FNDC3A: variants seen among roughly 807,000 people sequenced by gnomAD.
The protein encoded by FNDC3A is fibronectin type III domain containing 3A.
In FNDC3A, 32 loss-of-function variants were observed where a neutral mutation model predicts 148.9. The ratio of observed to expected loss-of-function variants is 0.21; its 90% CI spans 0.16 to 0.29. The LOEUF (loss-of-function observed/expected upper bound fraction) is 0.29, where lower values mean the gene tolerates loss of function less well. Ranked by LOEUF, FNDC3A falls within the 10% of genes least tolerant of loss-of-function variation. FNDC3A has a pLI of 1.00. For missense variants in FNDC3A, 1,191 were observed against 1,452.8 expected (o/e 0.82, Z 2.93); for synonymous variants, 472 against 473.6 (o/e 1.00, Z 0.04).
At chr13:49,029,657 A>C (rs1180541929) in intron 2 of FNDC3A, among the ~76,000 whole-genome samples, 1 of 152,128 alleles carries the variant, frequency 6.6e-6, no homozygotes, top group Non-Finnish European at 1.5e-5. Context: ...AAAATTGCCA[A>C]CCCTTTTAAG....
intron 2 of FNDC3A, among the ~76,000 whole-genome samples, chr13:49,029,382 A>G (rs555068066): frequency 1.3e-5 from 2 of 152,354 alleles, no homozygotes; most frequent in Non-Finnish European, 2.9e-5. Context: ...AACGAAAACC[A>G]TGATACAACA....
At chr13:49,088,230 G>A (rs1332165553) in intron 3 of FNDC3A, among the ~76,000 whole-genome samples, 1 of 152,082 alleles carries the variant, frequency 6.6e-6, no homozygotes, top group Non-Finnish European at 1.5e-5. Context: ...TTTGTTAATT[G>A]AGTAAATGAT....
rs549290413 is a variant in FNDC3A, at chr13:49,137,414, A to T, written c.760+813A>T. Reference sequence around the variant, plus strand: ...GGCTGGAATGCAGTGGCGCAATGTCAGCTCACTGCAACCTCCGCCTCCTGT... The same window carrying T: ...GGCTGGAATGCAGTGGCGCAATGTCTGCTCACTGCAACCTCCGCCTCCTGT... On this transcript the variant is annotated intron_variant, in intron 6 of 25. Transcript: ENST00000492622. Among the ~76,000 whole-genome samples, 4 of 152,274 alleles carry T rather than the reference A, an allele frequency of 2.6e-5. No homozygotes were observed. The South Asian group carries it at 8.3e-4, about 32-fold the overall frequency.
chr13:49,160,863 T>G (rs1884058889), intron 8 of FNDC3A, among the ~76,000 whole-genome samples: 1 of 152,096 alleles, frequency 6.6e-6, no homozygotes, highest in African/African-American at 2.4e-5. Flanking sequence ...ATTTCTGCCT[T>G]CATTTCGTTA....
intron 19 of FNDC3A, among the ~76,000 whole-genome samples, chr13:49,192,549 G>A (rs1376220113): frequency 6.6e-6 from 1 of 151,938 alleles, no homozygotes; most frequent in Non-Finnish European, 1.5e-5. Flanking sequence ...TACCCACCTC[G>A]GCCTCCCAAA....
At chr13:49,201,774 T>G (rs1217948098) in intron 23 of FNDC3A, 26 bp from the exon 24 acceptor site, 1 of 1,238,936 alleles carries the variant, frequency 8.1e-7, no homozygotes, top group African/African-American at 1.6e-5. Flanking sequence ...AGTATAAGGT[T>G]TATCTAATAG....
At chr13:49,191,499 T>C in intron 19 of FNDC3A, 115 bp downstream of exon 19, 1 of 735,266 alleles carries the variant, frequency 1.4e-6, no homozygotes. Flanking sequence ...ACTCCAAATT[T>C]TACAATTTTT....
At chr13:49,198,302 CAG>C in intron 22 of FNDC3A, 37 bp downstream of exon 22, 1 of 1,611,152 alleles carries the variant, frequency 6.2e-7, no homozygotes, top group South Asian at 1.1e-5. Context: ...TTGCCTAGAC[CAG>C]AGAGACGCTT....
intron 4 of FNDC3A, among the ~76,000 whole-genome samples, chr13:49,123,732 A>G (rs753796816): frequency 1.3e-5 from 2 of 152,230 alleles, no homozygotes; most frequent in Admixed American, 6.5e-5. Flanking sequence ...TATGTGGCCA[A>G]CAAACATATG....
chr13:49,024,289 G>T (rs957542460), intron 2 of FNDC3A, among the ~76,000 whole-genome samples: 1 of 151,890 alleles, frequency 6.6e-6, no homozygotes, highest in Admixed American at 6.6e-5. Flanking sequence ...TGAATTCTAT[G>T]GAACCTTTAA....
At chr13:48,983,500 A>G (rs2137548822) in intron 1 of FNDC3A, among the ~76,000 whole-genome samples, 1 of 152,328 alleles carries the variant, frequency 6.6e-6, no homozygotes, top group Non-Finnish European at 1.5e-5. Flanking sequence ...AAAAACAGCC[A>G]TAGATAAATT....
chr13:49,187,591 A>C, intron 16 of FNDC3A: 1 of 1,610,290 alleles, frequency 6.2e-7, no homozygotes. Flanking sequence ...TGAAAATGGC[A>C]AATTCTTCCC....
chr13:49,003,684 G>T (rs1952169387), intron 1 of FNDC3A, among the ~76,000 whole-genome samples: 1 of 151,890 alleles, frequency 6.6e-6, no homozygotes, highest in South Asian at 2.1e-4. Context: ...GTTTAACCTT[G>T]TATATTCAGA....
intron 2 of FNDC3A, among the ~76,000 whole-genome samples, chr13:49,020,266 G>A (rs891861995): frequency 6.6e-6 from 1 of 152,092 alleles, no homozygotes; most frequent in Non-Finnish European, 1.5e-5. Flanking sequence ...CTGAATTAAG[G>A]TCATGTTAAT....
chr13:49,165,523 G>T (rs147703306), intron 8 of FNDC3A, among the ~76,000 whole-genome samples: 5 of 152,162 alleles, frequency 3.3e-5, no homozygotes, highest in African/African-American at 9.7e-5. Context: ...GGATGGGGAT[G>T]TGAGGTGGGC....
At chr13:49,002,377 G>A (rs1232768541) in intron 1 of FNDC3A, among the ~76,000 whole-genome samples, 2 of 152,106 alleles carry the variant, frequency 1.3e-5, no homozygotes, top group African/African-American at 4.8e-5. Context: ...ATGAAAGGGT[G>A]TTAAATTTGT....
intron 14 of FNDC3A, 50 bp downstream of exon 14, chr13:49,178,704 T>A: frequency 9.9e-7 from 1 of 1,012,658 alleles, no homozygotes; most frequent in Non-Finnish European, 1.4e-6. Flanking sequence ...CTATTCTTAC[T>A]GGTGTGGTGG....
intron 10 of FNDC3A, among the ~76,000 whole-genome samples, chr13:49,169,440 A>G (rs912279323): frequency 6.6e-6 from 1 of 152,226 alleles, no homozygotes; most frequent in African/African-American, 2.4e-5. Context: ...ATTCTGATAG[A>G]TATTCAGAAG....
intron 1 of FNDC3A, among the ~76,000 whole-genome samples, chr13:49,001,763 C>T (rs1213056645): frequency 6.6e-6 from 1 of 152,102 alleles, no homozygotes. Flanking sequence ...CTGCTTCAAA[C>T]CCTGTCTCCT....
Sources: allele counts gnomAD v4.1 joint callset (sites outside exome capture counted in the v4.1 genomes callset), GRCh38; gene constraint gnomAD v4.1.1; transcripts MANE v1.5; gene names NCBI Gene and HGNC (gene_info 2026-07-23, HGNC 2026-07-21).